LARGE1: variants seen among roughly 807,000 people sequenced by gnomAD.
LARGE1 encodes the protein LARGE xylosyl- and glucuronyltransferase 1.
A neutral mutation model predicts 87.6 loss-of-function variants in LARGE1; 43 were observed. The ratio of observed to expected loss-of-function variants is 0.49; its 90% CI spans 0.38 to 0.63. The LOEUF is 0.63. Among genes scored for constraint, LARGE1 ranks in the 30% least tolerant of loss-of-function variants. LARGE1 has a pLI of 0.00. For missense variants in LARGE1, 802 were observed against 1,000.2 expected (o/e 0.80, Z 2.67); for synonymous variants, 434 against 394.6 (o/e 1.10, Z -1.18).
At chr22:33,106,293 A>C in the LARGE1 span, among the ~76,000 whole-genome samples, 2 of 152,164 alleles carry the variant, frequency 1.3e-5, no homozygotes, top group African/African-American at 2.4e-5. Context: ...AGCAGGTGAG[A>C]GTATGAGTAG....
rs1940826640 is a variant in LARGE1 at position 33,355,682 on chromosome 22, C to T, written c.1132-17881G>A. ...TGGACCACCCTTTCTCTGCCTAGCC[C>T]TCCGGCTTTCTGAGGCCCAGTGTTA... On this transcript the variant is annotated intron_variant, in intron 9 of 14. Coordinates refer to ENST00000397394, the MANE Select transcript of LARGE1 (RefSeq NM_133642.5). Among the ~76,000 whole-genome samples, 2 of 59,256 alleles carry T rather than the reference C, an allele frequency of 3.4e-5. 1 individual carries two copies. Among genetic ancestry groups the T allele is most frequent in the Non-Finnish European group, 1.3e-4 (2 of 15,648 alleles). 38.9% of individuals were successfully genotyped at this position (59,256 alleles called of 152,430 possible). A position where few individuals can be genotyped will look rare whatever the true frequency, so the allele number is the denominator to read the frequency against.
chr22:33,838,945 G>T (rs1215922586), intron 1 of LARGE1, among the ~76,000 whole-genome samples: 2 of 152,196 alleles, frequency 1.3e-5, no homozygotes, highest in Non-Finnish European at 2.9e-5. Flanking sequence ...GAGAGGAAGT[G>T]AATGTAGAAT....
chr22:33,461,655 A>T (rs982997533), intron 6 of LARGE1, among the ~76,000 whole-genome samples: 5 of 146,626 alleles, frequency 3.4e-5, no homozygotes, highest in African/African-American at 7.5e-5. Context: ...AGTATAATTT[A>T]AAAAAAAAAA....
intron 6 of LARGE1, among the ~76,000 whole-genome samples, chr22:33,435,857 T>G (rs1041090526): frequency 1.3e-5 from 2 of 152,142 alleles, no homozygotes; most frequent in Admixed American, 1.3e-4. Context: ...ATTAGCAACA[T>G]GATAGTTAGA....
At chr22:33,787,034 A>AAAAG (rs1228794148) in intron 1 of LARGE1, among the ~76,000 whole-genome samples, 1 of 152,014 alleles carries the variant, frequency 6.6e-6, no homozygotes, top group South Asian at 2.1e-4. Flanking sequence ...AAAAAAAAAA[A>AAAAG]AAAGAAAGAA....
chr22:33,091,531 G>A, the LARGE1 span, among the ~76,000 whole-genome samples: 1,450 of 151,096 alleles, frequency 9.6e-3, 9 homozygotes, highest in Middle Eastern at 0.017. Flanking sequence ...CTGCTCTCCA[G>A]CCTGGGTGAC....
intron 2 of LARGE1, among the ~76,000 whole-genome samples, chr22:33,716,437 C>T (rs1271096988): frequency 6.6e-6 from 1 of 152,180 alleles, no homozygotes; most frequent in Admixed American, 6.5e-5. Flanking sequence ...GAATCTCAGT[C>T]TGTCACCCAA....
At chr22:33,464,515 AC>A (rs1215147781) in intron 6 of LARGE1, among the ~76,000 whole-genome samples, 4 of 152,348 alleles carry the variant, frequency 2.6e-5, no homozygotes, top group Non-Finnish European at 4.4e-5. Context: ...AAGAACGGCT[AC>A]AAGTCAATAC....
intron 1 of LARGE1, among the ~76,000 whole-genome samples, chr22:33,831,167 G>A (rs1325295452): frequency 2.0e-5 from 3 of 147,108 alleles, no homozygotes; most frequent in African/African-American, 7.6e-5. Flanking sequence ...GCACGATCTC[G>A]GTTCCTGGCC....
At chr22:33,902,102 C>T (rs2065298765) in intron 1 of LARGE1, among the ~76,000 whole-genome samples, 1 of 152,184 alleles carries the variant, frequency 6.6e-6, no homozygotes, top group Non-Finnish European at 1.5e-5. Context: ...AAGATTAGCT[C>T]TGAGAATGAA....
intron 5 of LARGE1, among the ~76,000 whole-genome samples, chr22:33,591,773 C>T (rs1359439162): frequency 4.1e-5 from 6 of 147,060 alleles, no homozygotes; most frequent in African/African-American, 1.5e-4. Flanking sequence ...TTTGGGAGGC[C>T]GAGGTAGCAG....
At chr22:33,657,964 T>C (rs187143137) in intron 2 of LARGE1, among the ~76,000 whole-genome samples, 42 of 151,804 alleles carry the variant, frequency 2.8e-4, no homozygotes, top group Non-Finnish European at 3.7e-4. Flanking sequence ...AACAGGCACA[T>C]GATTTAACTA....
intron 7 of LARGE1, among the ~76,000 whole-genome samples, chr22:33,408,006 A>C (rs935976408): frequency 7.8e-6 from 1 of 128,894 alleles, no homozygotes; most frequent in Non-Finnish European, 1.6e-5. Flanking sequence ...TTTGAGACGG[A>C]GTCTTTTTCT....
rs548771986 is a variant in LARGE1, at chr22:33,838,813, T to G, written c.-82-77255A>C. Among the ~76,000 whole-genome samples, 5 of 152,210 alleles carry G rather than the reference T, an allele frequency of 3.3e-5. No individual in the cohort carries two copies. In the East Asian group the frequency reaches 9.7e-4, roughly 29 times the overall value. On this transcript the variant is annotated intron_variant, in intron 1 of 14. Coordinates refer to ENST00000397394, the MANE Select transcript of LARGE1 (RefSeq NM_133642.5). ...CCAAAGGCTCCTGGGTCTCCCTGAT[T>G]GTGTCTGCAGAATTAATCCAATCCA...
Position 33,585,270 on chromosome 22 carries a change from T to C in LARGE1, c.615+19165A>G, listed in dbSNP as rs140397666. On this transcript the variant is annotated intron_variant, in intron 5 of 14. Transcript: ENST00000397394. ...ACAAAGGAGACGGGGGAGATTCTTT[T>C]GGTTGCCTATCCAGAGAGCTACACT... 1.6e-3 allele frequency among the ~76,000 whole-genome samples: 245 copies of C among 152,120 alleles called. 1 individual carries two copies. The highest frequency in any genetic ancestry group is 5.6e-3 in the African/African-American group (231 of 41,490).
the LARGE1 span, among the ~76,000 whole-genome samples, chr22:33,108,149 C>T: frequency 6.6e-6 from 1 of 152,180 alleles, no homozygotes; most frequent in Non-Finnish European, 1.5e-5. Context: ...TAATGCAGCA[C>T]ATAAGGCACC....
At chr22:33,484,247 G>A (rs1249639273) in intron 6 of LARGE1, among the ~76,000 whole-genome samples, 1 of 152,068 alleles carries the variant, frequency 6.6e-6, no homozygotes, top group Non-Finnish European at 1.5e-5. Context: ...ATGGGGCTAG[G>A]TGCTATGGGT....
intron 2 of LARGE1, among the ~76,000 whole-genome samples, chr22:33,670,560 G>C (rs368143968): frequency 2.6e-5 from 4 of 152,116 alleles, no homozygotes; most frequent in African/African-American, 9.7e-5. Context: ...AACTTCTAGA[G>C]AAGTGCAGCA....
chr22:33,661,780 ACAT>A (rs1265983607), intron 2 of LARGE1, among the ~76,000 whole-genome samples: 2 of 152,136 alleles, frequency 1.3e-5, no homozygotes, highest in African/African-American at 4.8e-5. Context: ...TGATGACCGT[ACAT>A]CATGAGTGTG....
Sources: allele counts gnomAD v4.1 joint callset (sites outside exome capture counted in the v4.1 genomes callset), GRCh38; gene constraint gnomAD v4.1.1; transcripts MANE v1.5; gene names NCBI Gene and HGNC (gene_info 2026-07-23, HGNC 2026-07-21).